COL4A6: variants seen among roughly 807,000 people sequenced by gnomAD.
COL4A6 encodes collagen type IV alpha 6 chain, also known as collagen alpha-6(IV) chain.
In COL4A6, 59 loss-of-function variants were observed where a neutral mutation model predicts 126.7. The ratio of observed to expected loss-of-function variants is 0.47; its 90% confidence interval spans 0.38 to 0.58. The LOEUF is 0.58. COL4A6 is among the 20% of genes least tolerant of loss of function. The pLI is 0.00. For missense variants in COL4A6, 1,285 were observed against 1,337.3 expected (o/e 0.96, Z 0.61); for synonymous variants, 547 against 496.6 (o/e 1.10, Z -1.35).
Position 108,159,493 on chromosome X carries a change from C to T in COL4A6, c.4781G>A (p.Arg1594His). The change falls in exon 44 of 45, where the codon CGC (arginine) becomes CAC (histidine). Residue 1594 changes from arginine to histidine, a missense_variant. Physicochemically the swap from Arg to His is conservative, Grantham distance 29 (BLOSUM62 0). Transcript: ENST00000334504. ...GAAAGAGTACCCAATCCAGAGGCTG[C>T]GCCAGCCCAGGGGGCACTGCGGGAT... ...ITIPQCPLGW[R>H]SLWIGYSFLM... The T allele has an allele frequency of 5.8e-6, 7 of 1,212,134 alleles. No individual in the cohort carries two copies. The highest frequency in any genetic ancestry group is 2.2e-5 in the Admixed American group (1 of 46,093).
At chrX:108,243,072 C>T (rs764646819) in intron 3 of COL4A6, among the ~76,000 whole-genome samples, 5 of 111,326 alleles carry the variant, frequency 4.5e-5, no homozygotes, top group African/African-American at 6.5e-5. Context: ...TCTGATTCAG[C>T]GGGAGGCTCA....
intron 2 of COL4A6, among the ~76,000 whole-genome samples, chrX:108,411,030 G>C (rs1004356858): frequency 5.3e-5 from 6 of 112,330 alleles, no homozygotes; most frequent in African/African-American, 1.9e-4. Flanking sequence ...GCCTGTCAAA[G>C]GGTAAAACAA....
intron 2 of COL4A6, among the ~76,000 whole-genome samples, chrX:108,434,295 T>C: frequency 9.1e-6 from 1 of 109,752 alleles, no homozygotes; most frequent in Non-Finnish European, 1.9e-5. Flanking sequence ...AGAATACTAT[T>C]TTTTTTTTCC....
At position 108,175,659 on chromosome X, in the gene COL4A6, T is replaced by G; in HGVS notation, c.2825A>C (p.Glu942Ala). 1 of 1,200,403 alleles carries G rather than the reference T, an allele frequency of 8.3e-7. No homozygotes were observed. Among genetic ancestry groups the G allele is most frequent in the Non-Finnish European group, 1.1e-6 (1 of 891,232 alleles). ...GPSGRAGTPG[E>A]KGDRGNPGPV... ...AATTCAATTCCCCAGCTCACCCTTT[T>G]CACCAGGAGTACCAGCACGTCCAGA... Residue 942 changes from glutamate (E) to alanine (A), a missense_variant, in exon 29 of 45, where the codon GAA (glutamate) becomes GCA (alanine). Coordinates refer to ENST00000334504, the MANE Select transcript of COL4A6 (RefSeq NM_033641.4).
chrX:108,253,979 G>T (rs1311700371), intron 3 of COL4A6, among the ~76,000 whole-genome samples: 1 of 111,592 alleles, frequency 9.0e-6, no homozygotes, highest in Non-Finnish European at 1.9e-5. Context: ...GAGGCCTAAG[G>T]GGAAAACTTT....
At chrX:108,241,691 A>G (rs2036577278) in intron 3 of COL4A6, among the ~76,000 whole-genome samples, 1 of 107,815 alleles carries the variant, frequency 9.3e-6, no homozygotes, top group African/African-American at 3.4e-5. Context: ...GAAGCTCTGG[A>G]GAAGAAAAGG....
chrX:108,261,765 C>T (rs1399829018), intron 3 of COL4A6, among the ~76,000 whole-genome samples: 2 of 111,406 alleles, frequency 1.8e-5, no homozygotes, highest in African/African-American at 6.5e-5. Context: ...TACCTAGCTC[C>T]AGAATTAAGA....
Position 108,172,475 on chromosome X carries a change from G to T in COL4A6, c.3196C>A (p.Leu1066Met). ...GLPGASGLPG[L>M]KGDNGQTVEI... ...AAAAAAAAATGCTCCTTACCTTTCA[G>T]GCCTGGGAGACCAGATGCTCCTGGG... Residue 1066 changes from leucine to methionine, a missense_variant, in exon 32 of 45, where the codon CTG becomes ATG. Leu to Met is a conservative substitution (Grantham distance 15, BLOSUM62 2). Transcript: ENST00000334504. 1 of 1,201,045 alleles carries T rather than the reference G, an allele frequency of 8.3e-7. No homozygotes were observed. The highest frequency in any genetic ancestry group is 1.8e-5 in the South Asian group (1 of 55,457).
At chrX:108,210,201 T>A (rs760907762) in intron 7 of COL4A6, among the ~76,000 whole-genome samples, 197 bp from the exon 8 acceptor site, 11 of 112,562 alleles carry the variant, frequency 9.8e-5, no homozygotes, top group South Asian at 3.7e-4. Flanking sequence ...GTAAGAAAAA[T>A]CTGGACTGTA....
At chrX:108,317,725 A>G (rs993145521) in intron 2 of COL4A6, among the ~76,000 whole-genome samples, 1 of 111,353 alleles carries the variant, frequency 9.0e-6, no homozygotes, top group Non-Finnish European at 1.9e-5. Flanking sequence ...TTTGTCAAAG[A>G]TCAGATAGTT....
At chrX:108,168,057 T>C (rs951527940) in intron 37 of COL4A6, among the ~76,000 whole-genome samples, 2 of 112,474 alleles carry the variant, frequency 1.8e-5, no homozygotes, top group African/African-American at 3.2e-5. Context: ...ATACCAAATG[T>C]ATTCCTCTGT....
At chrX:108,408,086 G>A (rs1382617308) in intron 2 of COL4A6, among the ~76,000 whole-genome samples, 1 of 111,227 alleles carries the variant, frequency 9.0e-6, no homozygotes, top group Admixed American at 9.6e-5. Flanking sequence ...TGAAGTGGGA[G>A]GATTGCTTGA....
intron 3 of COL4A6, among the ~76,000 whole-genome samples, chrX:108,260,975 A>G (rs1412597772): frequency 9.0e-6 from 1 of 110,686 alleles, no homozygotes; most frequent in Non-Finnish European, 1.9e-5. Context: ...ACAATATTTG[A>G]CTGTATCCTA....
chrX:108,287,869 A>G (rs2038049965), intron 3 of COL4A6, among the ~76,000 whole-genome samples: 2 of 111,713 alleles, frequency 1.8e-5, no homozygotes, highest in Non-Finnish European at 3.8e-5. Context: ...TCCTTGTACC[A>G]CTGCCGGGAA....
chrX:108,278,134 T>A (rs1252694568), intron 3 of COL4A6, among the ~76,000 whole-genome samples: 3 of 112,449 alleles, frequency 2.7e-5, no homozygotes, highest in East Asian at 2.8e-4. Flanking sequence ...AGAACAAAGC[T>A]GGACGGAGAA....
rs747923538 is a variant in COL4A6, at chrX:108,170,050, A to C, written c.3494-34T>G. 3 of 1,106,612 alleles carry C rather than the reference A, an allele frequency of 2.7e-6. No homozygotes were observed. In the Admixed American group the frequency reaches 7.6e-5, roughly 28 times the overall value. 91.2% of individuals were successfully genotyped at this position (1,106,612 alleles called of 1,213,427 possible). ...AGAGAATGTCAAAAATGGCTCCAGC[A>C]ACTCTGAATCATGAAGCATCAGCAA... On this transcript the variant is annotated intron_variant, in intron 35 of 44. Transcript: ENST00000334504.
intron 2 of COL4A6, among the ~76,000 whole-genome samples, chrX:108,355,835 T>A (rs2039947663): frequency 8.9e-6 from 1 of 111,999 alleles, no homozygotes; most frequent in Admixed American, 9.5e-5. Flanking sequence ...TAATATTGAT[T>A]ATGTGATAAG....
chrX:108,283,603 G>A lies in COL4A6; in HGVS notation c.144+27145C>T, dbSNP rs779672502. ...GTTTTTTTTTTGGGGGGGGGTTGGC[G>A]GCGGGGATGCGGGGAGTGGAATGAG... On this transcript the variant is annotated intron_variant, in intron 3 of 44. Coordinates refer to ENST00000334504, the MANE Select transcript of COL4A6 (RefSeq NM_033641.4). Among the ~76,000 whole-genome samples the A allele has an allele frequency of 1.1e-4, 12 of 109,299 alleles. No homozygotes were observed. The South Asian group carries it at 4.5e-3, about 41-fold the overall frequency. The allele number at this position is 109,299 out of a possible 115,157, so 94.9% of individuals were successfully genotyped here.
chrX:108,217,462 G>A (rs1047853491), intron 5 of COL4A6, among the ~76,000 whole-genome samples: 7 of 111,295 alleles, frequency 6.3e-5, no homozygotes, highest in Admixed American at 1.9e-4. Flanking sequence ...AGCCTCCACC[G>A]CAATATCTTT....
Sources: allele counts gnomAD v4.1 joint callset (sites outside exome capture counted in the v4.1 genomes callset), GRCh38; gene constraint gnomAD v4.1.1; transcripts MANE v1.5; gene names NCBI Gene and HGNC (gene_info 2026-07-23, HGNC 2026-07-21).